Variants in USH2A observed in about 807,000 individuals in gnomAD.
USH2A encodes usherin.
Under a neutral mutation model 538.9 loss-of-function variants are expected in USH2A, and 443 were observed. The observed-to-expected ratio is 0.82, with a 90% CI of 0.76 to 0.89. The LOEUF is 0.89. Among genes scored for constraint, USH2A ranks in the 40% least tolerant of loss-of-function variants. The pLI is 0.00. For synonymous variants in USH2A, 2,413 were observed against 2,273.5 expected, an observed-to-expected ratio of 1.06 and a Z score of -1.75; for missense variants, 6,633 against 6,324.8, an observed-to-expected ratio of 1.05 and a Z score of -1.65.
chr1:215,869,703 T>C (rs1664573638), intron 43 of USH2A, among the ~76,000 whole-genome samples: 1 of 152,244 alleles, frequency 6.6e-6, no homozygotes, highest in Non-Finnish European at 1.5e-5. Context: ...TATGTAAATT[T>C]TTCTTCCACA....
intron 64 of USH2A, among the ~76,000 whole-genome samples, chr1:215,656,951 G>A (rs1657273837): frequency 6.6e-6 from 1 of 152,190 alleles, no homozygotes; most frequent in Admixed American, 6.5e-5. Context: ...ATGTTAACGG[G>A]CAAACAATTA....
rs367631313 is a variant in USH2A, at chr1:215,728,100, C to A, written c.11996G>T (p.Arg3999Leu). ...GTCGGGTCTCTCCTGGTAGACCACA[C>A]GGTAATGGGAGATAATGCCATTGGG... ...ESPNGIISHYRVVYQERPDDP... is the reference protein window; with the variant it reads ...ESPNGIISHYLVVYQERPDDP... Residue 3999 changes from arginine to leucine, a missense_variant, in exon 61 of 72, where the codon CGT becomes CTT. Physicochemically the swap from Arg to Leu is moderately radical, Grantham distance 102. Coordinates refer to ENST00000307340, the MANE Select transcript of USH2A (RefSeq NM_206933.4). 1.2e-6 allele frequency: 2 copies of A among 1,614,016 alleles called. No individual in the cohort carries two copies. Among genetic ancestry groups the A allele is most frequent in the Admixed American group, 3.3e-5 (2 of 59,988 alleles).
chr1:215,734,820 A>G (rs1660110320), intron 60 of USH2A, among the ~76,000 whole-genome samples: 1 of 152,174 alleles, frequency 6.6e-6, no homozygotes, highest in Non-Finnish European at 1.5e-5. Context: ...TGCATCTCCA[A>G]CTTCATTAGT....
intron 11 of USH2A, among the ~76,000 whole-genome samples, chr1:216,277,902 C>T (rs1182295674): frequency 1.3e-5 from 2 of 152,022 alleles, no homozygotes; most frequent in Non-Finnish European, 2.9e-5. Context: ...AAGAGAAGAT[C>T]CAACAAGGAG....
intron 21 of USH2A, among the ~76,000 whole-genome samples, chr1:216,129,942 C>T (rs2033334269): frequency 6.6e-6 from 1 of 151,840 alleles, no homozygotes; most frequent in African/African-American, 2.4e-5. Flanking sequence ...AAAGTGTGAA[C>T]AACATACCTT....
intron 3 of USH2A, among the ~76,000 whole-genome samples, chr1:216,390,319 G>C (rs189519614): frequency 9.9e-5 from 15 of 152,156 alleles, no homozygotes; most frequent in African/African-American, 3.6e-4. Context: ...GGAGATTTAG[G>C]CTCAGATTAT....
rs1195871302 is a variant in USH2A, at chr1:216,050,604, C to CTTTCT, written c.6050-1958_6050-1957insAGAAA. Among the ~76,000 whole-genome samples, 652 of 68,616 alleles carry CTTTCT rather than the reference C, an allele frequency of 9.5e-3. 31 individuals are homozygous for CTTTCT. The highest frequency in any genetic ancestry group is 0.029 in the African/African-American group (541 of 18,828). The allele number at this position is 68,616 out of a possible 152,430, so 45.0% of individuals were successfully genotyped here. A position where few individuals can be genotyped will look rare whatever the true frequency, so the allele number is the denominator to read the frequency against. On this transcript the variant is annotated intron_variant, in intron 30 of 71. Transcript: ENST00000307340. ...TCTTTCTTTCTTTCTTTCTTTCTTT[C>CTTTCT]TTTTTTTTTTTTTTTTTTGAGACAG...
chr1:216,041,609 G>C (rs1257453153), intron 32 of USH2A, among the ~76,000 whole-genome samples: 1 of 152,020 alleles, frequency 6.6e-6, no homozygotes, highest in Non-Finnish European at 1.5e-5. Flanking sequence ...AACCAAGTTA[G>C]TAGGGAAGTT....
chr1:216,001,903 C>A (rs1386381160), intron 32 of USH2A, among the ~76,000 whole-genome samples: 1 of 152,156 alleles, frequency 6.6e-6, no homozygotes, highest in East Asian at 1.9e-4. Context: ...CAAGAAGAGA[C>A]TCTTAATGCT....
intron 3 of USH2A, among the ~76,000 whole-genome samples, chr1:216,415,746 CG>C (rs1216729374): frequency 6.6e-6 from 1 of 151,886 alleles, no homozygotes; most frequent in African/African-American, 2.4e-5. Context: ...AGGCTGGCCT[CG>C]AACTCCTGGT....
chr1:215,864,945 A>AAT lies in USH2A; in HGVS notation c.8845+2060_8845+2061dup, dbSNP rs962229564. On this transcript the variant is annotated intron_variant, in intron 44 of 71. Coordinates refer to ENST00000307340, the MANE Select transcript of USH2A (RefSeq NM_206933.4). ...ATAATAGACAAAGACCATGCTTTAA[A>AAT]ATATATATATATACATTGGAAGGTG... 5.0e-4 allele frequency among the ~76,000 whole-genome samples: 76 copies of AAT among 151,870 alleles called. No individual in the cohort carries two copies. The South Asian group carries it at 5.2e-3, about 10-fold the overall frequency.
chr1:216,096,649 T>C (rs754215560), intron 22 of USH2A, among the ~76,000 whole-genome samples: 2 of 152,176 alleles, frequency 1.3e-5, no homozygotes, highest in Non-Finnish European at 2.9e-5. Context: ...ACTTTGAAAC[T>C]ATGGTAGTCT....
intron 38 of USH2A, among the ~76,000 whole-genome samples, chr1:215,922,262 G>A (rs1368060091): frequency 6.6e-6 from 1 of 152,118 alleles, no homozygotes; most frequent in African/African-American, 2.4e-5. Context: ...CTTCACAGTA[G>A]GGCTGATTAG....
chr1:216,111,570 T>TA (rs959990188), intron 21 of USH2A, among the ~76,000 whole-genome samples: 2 of 152,002 alleles, frequency 1.3e-5, no homozygotes, highest in Non-Finnish European at 1.5e-5. Context: ...TGACTCAGTT[T>TA]AAAAAAACTA....
In USH2A at chr1:216,174,539, A is replaced by G. The variant is rs953394049; in HGVS notation, c.4627+713T>C. ...TTTAAGCTTTTGATAATATTTTTAT[A>G]GTGCTTTCACATTGATTTTCATTTT... On this transcript the variant is annotated intron_variant, in intron 21 of 71. Coordinates refer to ENST00000307340, the MANE Select transcript of USH2A (RefSeq NM_206933.4). The G allele has an allele frequency of 1.6e-5, 16 of 984,000 alleles. No homozygotes were observed. In the Admixed American group the frequency reaches 3.1e-4, roughly 19 times the overall value. The allele number at this position is 984,000 out of a possible 1,614,324, so 61.0% of individuals were successfully genotyped here.
At chr1:216,354,046 A>G (rs1002323244) in intron 4 of USH2A, among the ~76,000 whole-genome samples, 1 of 152,164 alleles carries the variant, frequency 6.6e-6, no homozygotes, top group Non-Finnish European at 1.5e-5. Context: ...AGAATGACAT[A>G]TTAGAATTCT....
At chr1:216,083,347 G>A in intron 26 of USH2A, 109 bp downstream of exon 26, 1 of 1,255,694 alleles carries the variant, frequency 8.0e-7, no homozygotes, top group East Asian at 2.5e-5. Context: ...ATGAACAAAT[G>A]TGAATTTGTA....
chr1:216,278,312 C>G (rs1262679036), intron 11 of USH2A, among the ~76,000 whole-genome samples: 1 of 152,142 alleles, frequency 6.6e-6, no homozygotes, highest in Non-Finnish European at 1.5e-5. Context: ...ACAACTCCAT[C>G]TATTTTTACT....
chr1:215,892,275 C>T (rs1033047218), intron 40 of USH2A, among the ~76,000 whole-genome samples: 1 of 152,130 alleles, frequency 6.6e-6, no homozygotes, highest in African/African-American at 2.4e-5. Flanking sequence ...TTACCCATGA[C>T]TGATCAGTCA....
Sources: allele counts gnomAD v4.1 joint callset (sites outside exome capture counted in the v4.1 genomes callset), GRCh38; gene constraint gnomAD v4.1.1; transcripts MANE v1.5; gene names NCBI Gene and HGNC (gene_info 2026-07-23, HGNC 2026-07-21).